LPA: variants seen among roughly 807,000 people sequenced by gnomAD.
LPA encodes the protein lipoprotein(a).
A neutral mutation model predicts 197.9 loss-of-function variants in LPA; 199 were observed. The observed-to-expected ratio is 1.01, with a 90% confidence interval of 0.90 to 1.13. LPA has a LOEUF of 1.13. Ranked by LOEUF, LPA falls within the 50% of genes most tolerant of loss-of-function variation. The pLI is 0.00. For synonymous variants in LPA, 715 were observed against 639.5 expected, an observed-to-expected ratio of 1.12 and a Z score of -1.78; for missense variants, 1,853 against 1,785.8, an observed-to-expected ratio of 1.04 and a Z score of -0.68.
rs1269473870 is a variant in LPA, at chr6:160,576,390, G to GTGTATATA, written c.4631+745_4631+746insTATATACA. Among the ~76,000 whole-genome samples the GTGTATATA allele has an allele frequency of 8.7e-5, 4 of 46,122 alleles. 1 individual carries two copies. Among genetic ancestry groups the GTGTATATA allele is most frequent in the Admixed American group, 2.9e-4 (1 of 3,456 alleles). The allele number at this position is 46,122 out of a possible 152,430, so 30.3% of individuals were successfully genotyped here. A position where few individuals can be genotyped will look rare whatever the true frequency, so the allele number is the denominator to read the frequency against. On this transcript the variant is annotated intron_variant, in intron 28 of 38. Transcript: ENST00000316300. ...TACATATATATATATATATATATAT[G>GTGTATATA]TATATATATATATATATATATATAT...
intron 28 of LPA, among the ~76,000 whole-genome samples, chr6:160,564,479 C>T (rs1009105925): frequency 6.6e-6 from 1 of 152,104 alleles, no homozygotes; most frequent in Non-Finnish European, 1.5e-5. Context: ...TTTTCTTGCT[C>T]CTCAGCCTGC....
At chr6:160,534,195 G>A (rs1011713140) in intron 37 of LPA, among the ~76,000 whole-genome samples, 10 of 152,144 alleles carry the variant, frequency 6.6e-5, no homozygotes, top group African/African-American at 2.4e-4. Context: ...CATTGGGCAT[G>A]GGATGCATCA....
At chr6:160,555,751 A>G (rs895556548) in intron 30 of LPA, among the ~76,000 whole-genome samples, 1 of 152,028 alleles carries the variant, frequency 6.6e-6, no homozygotes, top group Admixed American at 6.6e-5. Flanking sequence ...TGGCACTCTA[A>G]GTATTTGATC....
At chr6:160,597,724 A>T (rs1488314309) in intron 20 of LPA, among the ~76,000 whole-genome samples, 1 of 152,174 alleles carries the variant, frequency 6.6e-6, no homozygotes, top group Non-Finnish European at 1.5e-5. Context: ...CAGTTATGAT[A>T]CTAATATGTC....
intron 36 of LPA, among the ~76,000 whole-genome samples, chr6:160,539,270 A>T (rs1190383328): frequency 6.6e-6 from 1 of 152,106 alleles, no homozygotes; most frequent in Non-Finnish European, 1.5e-5. Context: ...TCCTACAAAT[A>T]CTGTTTCTTA....
At chr6:160,570,269 A>G (rs1778538992) in intron 28 of LPA, among the ~76,000 whole-genome samples, 1 of 152,252 alleles carries the variant, frequency 6.6e-6, no homozygotes. Flanking sequence ...GATTAAGAAA[A>G]TGTGGCACAT....
chr6:160,548,757 G>C (rs541550730), intron 30 of LPA, 98 bp from the exon 31 acceptor site: 3 of 1,274,204 alleles, frequency 2.4e-6, no homozygotes, highest in African/African-American at 2.9e-5. Context: ...CTTAACAAGT[G>C]TCTTTGAAAT....
chr6:160,646,840 G>T (rs549965479), intron 2 of LPA, among the ~76,000 whole-genome samples: 87 of 150,348 alleles, frequency 5.8e-4, no homozygotes, highest in Middle Eastern at 3.4e-3. Context: ...TTCTAATGTG[G>T]GAGTTGCAAC....
Position 160,540,077 on chromosome 6 carries a change from TGG to T in LPA, c.5699_5700del (p.Pro1900HisfsTer18). On this transcript the variant is annotated frameshift_variant, in exon 36 of 39. Coordinates refer to ENST00000316300, the MANE Select transcript of LPA (RefSeq NM_005577.4). LOFTEE classifies it high-confidence loss of function. ...TTTAGCAAGGCAATATCTGCTTGTG[TGG>T]GCTCCAAGAACAGCCTAGACACTTC... ...EIEVSRLFLE[P>X]TQADIALLKL... 1 of 1,614,190 alleles carries T rather than the reference TGG, an allele frequency of 6.2e-7. No individual in the cohort carries two copies. The highest frequency in any genetic ancestry group is 1.6e-4 in the Middle Eastern group (1 of 6,062).
chr6:160,545,288 G>A, intron 33 of LPA, 152 bp downstream of exon 33: 1 of 635,090 alleles, frequency 1.6e-6, no homozygotes, highest in South Asian at 1.7e-5. Flanking sequence ...GGTTCAAGGT[G>A]GCCATGATGA....
intron 33 of LPA, among the ~76,000 whole-genome samples, chr6:160,545,148 G>C (rs959281504): frequency 6.6e-6 from 1 of 151,980 alleles, no homozygotes; most frequent in African/African-American, 2.4e-5. Context: ...AGAAGGGTTC[G>C]GTGGGACTAT....
chr6:160,605,126 A>G lies in LPA; in HGVS notation c.2865T>C (p.Thr955=), dbSNP rs1353409781. 1 of 1,613,882 alleles carries G rather than the reference A, an allele frequency of 6.2e-7. No individual in the cohort carries two copies. The highest frequency in any genetic ancestry group is 8.5e-7 in the Non-Finnish European group (1 of 1,179,874). Residue 955 remains threonine, a synonymous_variant, in exon 18 of 39, where the codon ACT becomes ACC. Coordinates refer to ENST00000316300, the MANE Select transcript of LPA (RefSeq NM_005577.4). ...AAGCTTGGCAGGTTCTTCCTGTGAC[A>G]GTAATGAAGTATGTGCCTTGATAAC... The part of the protein sequence containing the change: ...GQSYQGTYFI[T]VTGRTCQAWS...
chr6:160,660,348 G>T (rs927670673), intron 1 of LPA, among the ~76,000 whole-genome samples: 2 of 152,170 alleles, frequency 1.3e-5, no homozygotes. Flanking sequence ...CTCATGTCTA[G>T]CATGCAGGAC....
chr6:160,573,092 C>T (rs1267672429), intron 28 of LPA, among the ~76,000 whole-genome samples: 1 of 152,106 alleles, frequency 6.6e-6, no homozygotes, highest in Non-Finnish European at 1.5e-5. Context: ...GGTCATTTAA[C>T]ATAATCCCAG....
intron 16 of LPA, among the ~76,000 whole-genome samples, 171 bp downstream of exon 16, chr6:160,611,391 C>T (rs1198506773): frequency 6.6e-6 from 1 of 152,084 alleles, no homozygotes; most frequent in East Asian, 1.9e-4. Context: ...GGCAGCTTAA[C>T]ATTTCTCTTC....
At chr6:160,651,086 T>C (rs1262405609) in intron 1 of LPA, among the ~76,000 whole-genome samples, 1 of 152,178 alleles carries the variant, frequency 6.6e-6, no homozygotes, top group Non-Finnish European at 1.5e-5. Flanking sequence ...CATTGCAACA[T>C]AGCAGACGTC....
chr6:160,555,918 C>G, intron 30 of LPA, 107 bp downstream of exon 30: 1 of 1,096,122 alleles, frequency 9.1e-7, no homozygotes, highest in Non-Finnish European at 1.4e-6. Flanking sequence ...GACACACCTT[C>G]TGGGTCTAAG....
intron 36 of LPA, among the ~76,000 whole-genome samples, chr6:160,539,656 C>T (rs561273263): frequency 6.6e-6 from 1 of 152,006 alleles, no homozygotes; most frequent in Admixed American, 6.5e-5. Flanking sequence ...AAGCATGGCT[C>T]GATATGGTGG....
At chr6:160,657,565 A>G (rs1369765322) in intron 1 of LPA, among the ~76,000 whole-genome samples, 1 of 151,848 alleles carries the variant, frequency 6.6e-6, no homozygotes, top group Admixed American at 6.6e-5. Context: ...TGCCCAGCTA[A>G]TTTTTGTATT....
Sources: allele counts gnomAD v4.1 joint callset (sites outside exome capture counted in the v4.1 genomes callset), GRCh38; gene constraint gnomAD v4.1.1; transcripts MANE v1.5; gene names NCBI Gene and HGNC (gene_info 2026-07-23, HGNC 2026-07-21).